The following FAM204A variants were observed in gnomAD, a reference collection of about 807,000 sequenced individuals.
FAM204A encodes family with sequence similarity 204 member A.
FAM204A carries 16 observed loss-of-function variants against 35.4 expected under a neutral mutation model. That is an observed-to-expected ratio of 0.45 (90% CI 0.31 to 0.69). The LOEUF is 0.69. Ranked by LOEUF, FAM204A falls within the 30% of genes least tolerant of loss-of-function variation. FAM204A has a pLI of 0.07. For missense variants in FAM204A, 240 were observed against 265.7 expected (o/e 0.90, Z 0.67); for synonymous variants, 76 against 86.9 (o/e 0.88, Z 0.70).
At chr10:118,333,229 T>C (rs547232682) in intron 6 of FAM204A, among the ~76,000 whole-genome samples, 20 of 152,292 alleles carry the variant, frequency 1.3e-4, no homozygotes, top group Admixed American at 3.9e-4. Flanking sequence ...GTTTGTTTTG[T>C]TTTACCATCC....
chr10:118,335,269 T>TCG (rs1331032592), intron 5 of FAM204A, 56 bp from the exon 6 acceptor site: 1 of 1,565,290 alleles, frequency 6.4e-7, no homozygotes, highest in Non-Finnish European at 8.7e-7. Flanking sequence ...TTACTTTTAC[T>TCG]GTTTTTAATC....
At chr10:118,333,237 T>C (rs188857447) in intron 6 of FAM204A, among the ~76,000 whole-genome samples, 1 of 152,314 alleles carries the variant, frequency 6.6e-6, no homozygotes, top group East Asian at 1.9e-4. Flanking sequence ...TGTTTTACCA[T>C]CCTAGAGGGT....
At chr10:118,327,486 C>A (rs898131300) in intron 6 of FAM204A, among the ~76,000 whole-genome samples, 10 of 152,192 alleles carry the variant, frequency 6.6e-5, no homozygotes, top group African/African-American at 2.4e-4. Flanking sequence ...CATTCAACAG[C>A]GCTTCATAGT....
At chr10:118,336,023 C>G (rs1846380075) in intron 3 of FAM204A, 159 bp downstream of exon 3, 1 of 760,318 alleles carries the variant, frequency 1.3e-6, no homozygotes. Context: ...ACGCAAGTAT[C>G]TAAGTGGCCG....
chr10:118,316,221 T>C (rs368369562), intron 7 of FAM204A, among the ~76,000 whole-genome samples: 24 of 152,310 alleles, frequency 1.6e-4, no homozygotes, highest in Admixed American at 3.9e-4. Context: ...TGCATTAATA[T>C]TGATTTTTAA....
chr10:118,327,228 C>T (rs1243914525), intron 6 of FAM204A, among the ~76,000 whole-genome samples: 2 of 152,176 alleles, frequency 1.3e-5, no homozygotes, highest in African/African-American at 4.8e-5. Context: ...ATGTCTCTTC[C>T]ATCAGTCTAT....
Position 118,301,576 on chromosome 10 carries a change from C to A in FAM204A, c.*9281G>T, listed in dbSNP as rs1400573227. On this transcript the variant is annotated 3_prime_UTR_variant, in exon 9 of 9. Transcript: ENST00000369183. The stretch of plus-strand genomic sequence containing the variant: ...ATCTTCCAAGGATGTTATATACAAA[C>A]ATCCTTGCAAAGATAGTTTGGAACA... 6.6e-6 allele frequency: 1 copy of A among 152,176 alleles called. No individual in the cohort carries two copies. The highest frequency in any genetic ancestry group is 2.4e-5 in the African/African-American group (1 of 41,446). The allele number at this position is 152,176 out of a possible 1,614,324, so 9.4% of individuals were successfully genotyped here.
intron 6 of FAM204A, among the ~76,000 whole-genome samples, chr10:118,332,651 AAAACAAAC>A (rs943443266): frequency 6.6e-6 from 1 of 152,146 alleles, no homozygotes; most frequent in Non-Finnish European, 1.5e-5. Context: ...CACTCTGCTA[AAAACAAAC>A]AAACAAACAA....
At chr10:118,310,970 A>T in intron 8 of FAM204A, 62 bp from the exon 9 acceptor site, 1 of 1,474,620 alleles carries the variant, frequency 6.8e-7, no homozygotes. Flanking sequence ...TTTGCTGAAC[A>T]TGTTTACTTA....
intron 2 of FAM204A, among the ~76,000 whole-genome samples, chr10:118,339,617 T>C (rs1846441950): frequency 6.6e-6 from 1 of 152,218 alleles, no homozygotes; most frequent in Non-Finnish European, 1.5e-5. Flanking sequence ...GCCAATGTAT[T>C]AATTCATAAG....
intron 6 of FAM204A, among the ~76,000 whole-genome samples, chr10:118,329,674 T>G (rs1422730272): frequency 6.6e-6 from 1 of 152,140 alleles, no homozygotes; most frequent in Non-Finnish European, 1.5e-5. Flanking sequence ...GAGTTGTGTA[T>G]TCTCCCCTCT....
At chr10:118,332,952 T>C (rs1195189861) in intron 6 of FAM204A, among the ~76,000 whole-genome samples, 1 of 152,220 alleles carries the variant, frequency 6.6e-6, no homozygotes, top group Non-Finnish European at 1.5e-5. Context: ...AAAATAATTA[T>C]GTTATGATTA....
At chr10:118,322,277 T>A in intron 7 of FAM204A, 1 of 453,218 alleles carries the variant, frequency 2.2e-6, no homozygotes. Context: ...AACAATAACA[T>A]CACAGTGGAG....
At chr10:118,312,727 T>C (rs1248515054) in intron 7 of FAM204A, among the ~76,000 whole-genome samples, 3 of 152,174 alleles carry the variant, frequency 2.0e-5, no homozygotes, top group Non-Finnish European at 4.4e-5. Context: ...CCTCGGTGTG[T>C]TCCCAAAACT....
intron 7 of FAM204A, among the ~76,000 whole-genome samples, chr10:118,315,093 C>A (rs1464925685): frequency 6.6e-6 from 1 of 152,070 alleles, no homozygotes; most frequent in Non-Finnish European, 1.5e-5. Flanking sequence ...ATCTTTACAG[C>A]CACTTGGAAG....
rs1002681574 is a variant in FAM204A, at chr10:118,308,074, G to A, written c.*2783C>T. 1.3e-5 allele frequency: 2 copies of A among 152,144 alleles called. No homozygotes were observed. Among genetic ancestry groups the A allele is most frequent in the Admixed American group, 6.5e-5 (1 of 15,278 alleles). 9.4% of individuals were successfully genotyped at this position (152,144 alleles called of 1,614,324 possible). ...CTGCTGAAAATCAGAAACATCCTGA[G>A]GGCTCCCAAACAAGAATGCACTGCC... On this transcript the variant is annotated 3_prime_UTR_variant, in exon 9 of 9. Coordinates refer to ENST00000369183, the MANE Select transcript of FAM204A (RefSeq NM_022063.3).
Position 118,309,267 on chromosome 10 carries a change from G to A in FAM204A, c.*1590C>T, listed in dbSNP as rs1845911029. ...GCTGGCTTTTCTCAACTAAATGAAAGCAAGATATGATTTTTGGATGCTTAA... is the reference window on the plus strand; with the variant it reads ...GCTGGCTTTTCTCAACTAAATGAAAACAAGATATGATTTTTGGATGCTTAA... On this transcript the variant is annotated 3_prime_UTR_variant, in exon 9 of 9. Transcript: ENST00000369183. 1 of 152,022 alleles carries A rather than the reference G, an allele frequency of 6.6e-6. No individual in the cohort carries two copies. Among genetic ancestry groups the A allele is most frequent in the African/African-American group, 2.4e-5 (1 of 41,370 alleles). 9.4% of individuals were successfully genotyped at this position (152,022 alleles called of 1,614,324 possible).
intron 7 of FAM204A, among the ~76,000 whole-genome samples, chr10:118,317,303 G>C (rs1328290516): frequency 6.6e-6 from 1 of 151,990 alleles, no homozygotes; most frequent in Non-Finnish European, 1.5e-5. Context: ...TTACTAAAAT[G>C]GTTTTAATTA....
At position 118,330,257 on chromosome 10, in the gene FAM204A, T is replaced by G. The variant is rs575233969; in HGVS notation, c.454-4014A>C. Among the ~76,000 whole-genome samples the G allele has an allele frequency of 4.9e-4, 74 of 152,330 alleles. 1 individual carries two copies. The highest frequency in any genetic ancestry group is 1.7e-3 in the African/African-American group (72 of 41,570). On this transcript the variant is annotated intron_variant, in intron 6 of 8. Transcript: ENST00000369183. ...ACTACAAGTTTCCTTGCACTACAAA[T>G]TCTTGCATAGCCTGATACCTCAACT... is the stretch of plus-strand genomic sequence containing the variant.
Sources: gnomAD v4.1 joint callset for allele counts (sites outside exome capture counted in the v4.1 genomes callset) on GRCh38, gnomAD v4.1.1 for gene constraint, MANE v1.5 for transcripts, NCBI Gene and HGNC (gene_info 2026-07-23, HGNC 2026-07-21) for gene names.